The following EQTN variants were observed in gnomAD, a reference collection of about 807,000 sequenced individuals.
The protein encoded by EQTN is Acrosome formation associated factor.
EQTN carries 29 observed loss-of-function variants against 26.9 expected under a neutral mutation model. That is an observed-to-expected ratio of 1.08 (90% CI 0.80 to 1.47). The LOEUF is 1.47. Ranked by LOEUF, EQTN falls within the 40% of genes most tolerant of loss-of-function variation. The pLI, the probability that EQTN is intolerant of heterozygous loss-of-function variation, is 0.00. For missense variants in EQTN, 391 were observed against 346.1 expected (o/e 1.13, Z -1.03); for synonymous variants, 129 against 120.0 (o/e 1.07, Z -0.49).
intron 7 of EQTN, among the ~76,000 whole-genome samples, 164 bp from the exon 8 acceptor site, chr9:27,285,136 T>TTC (rs1820094142): frequency 2.4e-5 from 1 of 41,556 alleles, no homozygotes; most frequent in East Asian, 5.7e-4. Context: ...TCTTTTCCTT[T>TTC]TTTTTTTTTT....
intron 2 of EQTN, among the ~76,000 whole-genome samples, chr9:27,295,337 G>C (rs1820314766): frequency 6.6e-6 from 1 of 152,120 alleles, no homozygotes; most frequent in African/African-American, 2.4e-5. Context: ...TGAAACACTG[G>C]TATCTTTCTA....
At chr9:27,296,830 A>G (rs1820355211) in intron 1 of EQTN, 92 bp from the exon 2 acceptor site, 1 of 1,567,252 alleles carries the variant, frequency 6.4e-7, no homozygotes. Flanking sequence ...ACAAAGGATT[A>G]GAGGCAGAGA....
Position 27,287,327 on chromosome 9 carries a change from C to T in EQTN, c.482-965G>A, listed in dbSNP as rs1820142951. 2.6e-5 allele frequency among the ~76,000 whole-genome samples: 4 copies of T among 152,112 alleles called. No homozygotes were observed. In the South Asian group the frequency reaches 8.3e-4, roughly 31 times the overall value. Reference sequence around the variant, plus strand: ...ACAGTTGTCAATGACTCTTTTAATGCTTCGAGGCCTGTTATTTTGGGAATA... The same window carrying T: ...ACAGTTGTCAATGACTCTTTTAATGTTTCGAGGCCTGTTATTTTGGGAATA... On this transcript the variant is annotated intron_variant, in intron 6 of 7. Coordinates refer to ENST00000380032, the MANE Select transcript of EQTN (RefSeq NM_020641.3).
chr9:27,295,639 C>A (rs1364700971), intron 2 of EQTN, among the ~76,000 whole-genome samples: 1 of 151,986 alleles, frequency 6.6e-6, no homozygotes, highest in Non-Finnish European at 1.5e-5. Context: ...CGAGACCATC[C>A]TGGCTAACAC....
chr9:27,285,044 A>G, intron 7 of EQTN, 72 bp from the exon 8 acceptor site: 1 of 1,394,376 alleles, frequency 7.2e-7, no homozygotes, highest in Non-Finnish European at 9.6e-7. Flanking sequence ...TTAGAAAAGC[A>G]TTCAAAAATT....
intron 2 of EQTN, 167 bp from the exon 3 acceptor site, chr9:27,294,569 C>T: frequency 2.5e-6 from 1 of 403,054 alleles, no homozygotes; most frequent in Non-Finnish European, 4.4e-6. Flanking sequence ...GGGCAAGGGT[C>T]AAATCTAAAA....
intron 6 of EQTN, among the ~76,000 whole-genome samples, 156 bp downstream of exon 6, chr9:27,289,516 T>A (rs1193067933): frequency 6.6e-6 from 1 of 152,156 alleles, no homozygotes; most frequent in East Asian, 1.9e-4. Context: ...GCCCACCTAA[T>A]TTTTGTATTT....
intron 3 of EQTN, among the ~76,000 whole-genome samples, 186 bp from the exon 4 acceptor site, chr9:27,292,673 G>A (rs143586142): frequency 2.0e-5 from 3 of 152,278 alleles, no homozygotes; most frequent in Admixed American, 1.3e-4. Context: ...GAAGAATAAA[G>A]TTTTTGTGAT....
Position 27,296,694 on chromosome 9 carries a change from C to A in EQTN, c.121G>T (p.Glu41Ter), listed in dbSNP as rs142257398. The A allele has an allele frequency of 6.2e-7, 1 of 1,608,830 alleles. No homozygotes were observed. Among genetic ancestry groups the A allele is most frequent in the African/African-American group, 1.3e-5 (1 of 74,694 alleles). Reference protein sequence around the residue: ...LPLNEDVNKQEEKNEDHTPNY... With the variant: ...LPLNEDVNKQ ...GGAGTATGATCTTCATTCTTTTCTTCCTGCTTATTAACATCTTCATTTAAA... is the reference window on the plus strand; with the variant it reads ...GGAGTATGATCTTCATTCTTTTCTTACTGCTTATTAACATCTTCATTTAAA... The change falls in exon 2 of 8, where the codon GAA becomes TAA. Residue 41 changes from glutamate to a stop codon, truncating the protein, a stop_gained. Coordinates refer to ENST00000380032, the MANE Select transcript of EQTN (RefSeq NM_020641.3). LOFTEE classifies it high-confidence loss of function.
At chr9:27,295,843 A>AC (rs1820328620) in intron 2 of EQTN, among the ~76,000 whole-genome samples, 8 of 151,180 alleles carry the variant, frequency 5.3e-5, no homozygotes, top group African/African-American at 1.7e-4. Flanking sequence ...AAAAAAAAAA[A>AC]AAAAAAAAAA....
chr9:27,292,633 C>A lies in EQTN; in HGVS notation c.290-146G>T. 5.8e-6 allele frequency: 3 copies of A among 521,126 alleles called. No individual in the cohort carries two copies. The highest frequency in any genetic ancestry group is 3.4e-5 in the South Asian group (1 of 29,644). 32.3% of individuals were successfully genotyped at this position (521,126 alleles called of 1,614,324 possible). A position where few individuals can be genotyped will look rare whatever the true frequency, so the allele number is the denominator to read the frequency against. ...CGGAAGAGAAAGACATTAACATTTT[C>A]CAGAAATAAAGGAGAAAGAAGAAGG... is the stretch of plus-strand genomic sequence containing the variant. On this transcript the variant is annotated intron_variant, in intron 3 of 7. Coordinates refer to ENST00000380032, the MANE Select transcript of EQTN (RefSeq NM_020641.3).
intron 6 of EQTN, among the ~76,000 whole-genome samples, chr9:27,286,781 G>A (rs1820133614): frequency 6.6e-6 from 1 of 152,178 alleles, no homozygotes; most frequent in African/African-American, 2.4e-5. Flanking sequence ...CAGTCTTTCA[G>A]GAGGTAAAGG....
intron 5 of EQTN, among the ~76,000 whole-genome samples, chr9:27,290,091 G>A (rs1820201914): frequency 6.6e-6 from 1 of 152,176 alleles, no homozygotes; most frequent in African/African-American, 2.4e-5. Flanking sequence ...CCTGAATGAA[G>A]CTTCTCTAAC....
At chr9:27,285,047 C>A (rs56411846) in intron 7 of EQTN, 75 bp from the exon 8 acceptor site, 1 of 1,257,722 alleles carries the variant, frequency 8.0e-7, no homozygotes, top group Non-Finnish European at 1.1e-6. Context: ...GAAAAGCATT[C>A]AAAAATTAAA....
chr9:27,289,071 C>A (rs2131305571), intron 6 of EQTN, among the ~76,000 whole-genome samples: 1 of 152,302 alleles, frequency 6.6e-6, no homozygotes, highest in Middle Eastern at 3.4e-3. Context: ...CCACATCATG[C>A]AAGACATAGG....
Position 27,285,419 on chromosome 9 carries a change from GGT to G in EQTN, c.636-449_636-448del, listed in dbSNP as rs1035447816. 1.6e-4 allele frequency among the ~76,000 whole-genome samples: 25 copies of G among 152,158 alleles called. 1 individual carries two copies. The highest frequency in any genetic ancestry group is 1.6e-3 in the Admixed American group (25 of 15,288). On this transcript the variant is annotated intron_variant, in intron 7 of 7. Coordinates refer to ENST00000380032, the MANE Select transcript of EQTN (RefSeq NM_020641.3). ...GGCCTCCCAAAGTTCTGGGATTACA[GGT>G]GTGAGCCACCACGCCCGGCCTAGTT... is the stretch of plus-strand genomic sequence containing the variant.
intron 3 of EQTN, among the ~76,000 whole-genome samples, chr9:27,293,127 G>C (rs1249830513): frequency 6.6e-6 from 1 of 152,106 alleles, no homozygotes; most frequent in Non-Finnish European, 1.5e-5. Context: ...GTTCCATACG[G>C]AGTACAGGGC....
intron 2 of EQTN, among the ~76,000 whole-genome samples, chr9:27,295,775 C>T (rs7867408): frequency 0.97 from 143,597 of 148,116 alleles, 69,723 homozygotes; most frequent in East Asian, 1. Context: ...GAACTTGGAG[C>T]GAGCAGAGAT....
chr9:27,297,125 G>T lies in EQTN; in HGVS notation c.-70C>A. ...AGAGCCTCCTTTCTGTGGCCCAGCA[G>T]GTCCTGTGTCTAACTAGGACATTAT... is the stretch of plus-strand genomic sequence containing the variant. On this transcript the variant is annotated 5_prime_UTR_variant, in exon 1 of 8. The change creates a new upstream start codon in the 5' untranslated region. Coordinates refer to ENST00000380032, the MANE Select transcript of EQTN (RefSeq NM_020641.3). The T allele has an allele frequency of 9.1e-7, 1 of 1,093,340 alleles. No individual in the cohort carries two copies. Among genetic ancestry groups the T allele is most frequent in the Non-Finnish European group, 1.3e-6 (1 of 740,778 alleles). The allele number at this position is 1,093,340 out of a possible 1,614,324, so 67.7% of individuals were successfully genotyped here.
Sources: gnomAD v4.1 joint callset for allele counts (sites outside exome capture counted in the v4.1 genomes callset) on GRCh38, gnomAD v4.1.1 for gene constraint, MANE v1.5 for transcripts, NCBI Gene and HGNC (gene_info 2026-07-23, HGNC 2026-07-21) for gene names.